Variants in FHIT observed in about 807,000 individuals in gnomAD.
FHIT encodes the protein fragile histidine triad diadenosine triphosphatase.
In FHIT, 19 loss-of-function variants were observed where a neutral mutation model predicts 17.9. The ratio of observed to expected loss-of-function variants is 1.06; its 90% CI spans 0.74 to 1.56. The LOEUF is 1.56. FHIT is among the 40% of genes most tolerant of loss of function. The pLI, the probability that FHIT is intolerant of heterozygous loss-of-function variation, is 0.00. For missense variants in FHIT, 248 were observed against 189.2 expected (o/e 1.31, Z -1.82); for synonymous variants, 81 against 69.7 (o/e 1.16, Z -0.81).
intron 2 of FHIT, among the ~76,000 whole-genome samples, chr3:61,092,308 T>A (rs561841039): frequency 8.5e-5 from 13 of 152,242 alleles, no homozygotes; most frequent in African/African-American, 2.6e-4. Flanking sequence ...TACCAAGAAC[T>A]ATTTTTCTTA....
At chr3:61,076,206 A>G (rs566610322) in intron 2 of FHIT, among the ~76,000 whole-genome samples, 1 of 152,300 alleles carries the variant, frequency 6.6e-6, no homozygotes, top group Admixed American at 6.5e-5. Flanking sequence ...GCATGCCAAA[A>G]ACAAGCGATG....
intron 5 of FHIT, among the ~76,000 whole-genome samples, chr3:60,155,408 A>G (rs1700639539): frequency 6.6e-6 from 1 of 151,940 alleles, no homozygotes; most frequent in Admixed American, 6.6e-5. Flanking sequence ...CTCCCCAACT[A>G]CCCCACGCAG....
At chr3:60,335,389 A>C (rs1710184658) in intron 5 of FHIT, among the ~76,000 whole-genome samples, 1 of 152,232 alleles carries the variant, frequency 6.6e-6, no homozygotes, top group African/African-American at 2.4e-5. Context: ...CCAAGGTTTT[A>C]GACTAAATTC....
intron 8 of FHIT, among the ~76,000 whole-genome samples, chr3:59,848,186 A>G (rs1429075029): frequency 6.6e-6 from 1 of 152,198 alleles, no homozygotes; most frequent in African/African-American, 2.4e-5. Context: ...GGGCTGAAAG[A>G]TGGGGAATGG....
In FHIT at chr3:60,844,634, A is replaced by T. The variant is rs559400930; in HGVS notation, c.-110-22623T>A. Among the ~76,000 whole-genome samples the T allele has an allele frequency of 2.0e-5, 3 of 152,244 alleles. No homozygotes were observed. In the South Asian group the frequency reaches 6.2e-4, roughly 32 times the overall value. ...CACAAGTGAAAGTGCAAAGGTAGCT[A>T]ATGGTTTTCTTCTCATAAAAATCAC... On this transcript the variant is annotated intron_variant, in intron 3 of 9. Coordinates refer to ENST00000492590, the MANE Select transcript of FHIT (RefSeq NM_002012.4).
chr3:59,944,292 T>A (rs1161308528), intron 7 of FHIT, among the ~76,000 whole-genome samples: 1 of 152,210 alleles, frequency 6.6e-6, no homozygotes, highest in African/African-American at 2.4e-5. Context: ...TTTTATCTCA[T>A]GTGGAGATTG....
At chr3:60,657,996 T>C (rs1210928065) in intron 4 of FHIT, among the ~76,000 whole-genome samples, 8 of 152,160 alleles carry the variant, frequency 5.3e-5, no homozygotes, top group Admixed American at 2.0e-4. Context: ...TTCAGTAGTA[T>C]TAAGTACATT....
At chr3:61,025,167 G>A (rs886070059) in intron 3 of FHIT, among the ~76,000 whole-genome samples, 7 of 152,106 alleles carry the variant, frequency 4.6e-5, no homozygotes, top group African/African-American at 7.2e-5. Flanking sequence ...TTAGACATCC[G>A]AAGATCAAGA....
chr3:60,998,764 G>C (rs897392917), intron 3 of FHIT, among the ~76,000 whole-genome samples: 2 of 151,832 alleles, frequency 1.3e-5, no homozygotes, highest in African/African-American at 4.8e-5. Context: ...TCAATTTATT[G>C]GTGTCTTTAG....
At chr3:60,952,934 A>G (rs9864812) in intron 3 of FHIT, among the ~76,000 whole-genome samples, 6,352 of 152,270 alleles carry the variant, frequency 0.042, 425 homozygotes, top group African/African-American at 0.14. Flanking sequence ...GAGGTATCTC[A>G]TGTCACATAA....
chr3:59,986,649 AT>A (rs74212859), intron 7 of FHIT, among the ~76,000 whole-genome samples: 24,941 of 42,814 alleles, frequency 0.58, 10,115 homozygotes, highest in East Asian at 0.96. Context: ...TTTTTAAAAT[AT>A]TTTTATGTAT....
intron 4 of FHIT, among the ~76,000 whole-genome samples, chr3:60,586,295 G>A (rs1553661920): frequency 6.6e-6 from 1 of 152,010 alleles, no homozygotes; most frequent in Non-Finnish European, 1.5e-5. Flanking sequence ...CAGTCTATTT[G>A]ATAGTTTCCA....
chr3:60,510,020 C>T (rs2034887447), intron 5 of FHIT, among the ~76,000 whole-genome samples: 2 of 152,140 alleles, frequency 1.3e-5, no homozygotes, highest in Non-Finnish European at 2.9e-5. Context: ...CTACAAAGAG[C>T]GCCCATCCCA....
At chr3:59,777,150 T>C (rs1702364234) in intron 8 of FHIT, among the ~76,000 whole-genome samples, 1 of 152,124 alleles carries the variant, frequency 6.6e-6, no homozygotes, top group Admixed American at 6.5e-5. Flanking sequence ...ACCTTCGAAA[T>C]GTCAGGGTGG....
chr3:59,862,575 G>A (rs983945042), intron 8 of FHIT, among the ~76,000 whole-genome samples: 6 of 152,188 alleles, frequency 3.9e-5, no homozygotes, highest in African/African-American at 1.4e-4. Flanking sequence ...ATGTTTCACA[G>A]GTCCCCATTC....
intron 2 of FHIT, among the ~76,000 whole-genome samples, chr3:61,188,474 G>T (rs934224345): frequency 6.6e-5 from 10 of 152,002 alleles, no homozygotes; most frequent in Non-Finnish European, 1.0e-4. Flanking sequence ...CAGGACCAGA[G>T]GGATTCACAG....
chr3:60,303,418 T>G (rs1397537981), intron 5 of FHIT, among the ~76,000 whole-genome samples: 1 of 152,138 alleles, frequency 6.6e-6, no homozygotes, highest in African/African-American at 2.4e-5. Context: ...CTCATGGACT[T>G]TGTGGAGGAG....
At chr3:59,751,878 G>T in intron 9 of FHIT, 1 of 262,830 alleles carries the variant, frequency 3.8e-6, no homozygotes, top group Non-Finnish European at 7.2e-6. Flanking sequence ...GTTAAGTTGG[G>T]GTTGACCTTT....
chr3:61,210,812 C>A (rs1040645188), intron 1 of FHIT, among the ~76,000 whole-genome samples: 36 of 151,780 alleles, frequency 2.4e-4, no homozygotes, highest in Non-Finnish European at 4.7e-4. Context: ...CACCCACTGT[C>A]CTGCACCCAC....
Sources: allele counts gnomAD v4.1 joint callset (sites outside exome capture counted in the v4.1 genomes callset), GRCh38; gene constraint gnomAD v4.1.1; transcripts MANE v1.5; gene names NCBI Gene and HGNC (gene_info 2026-07-23, HGNC 2026-07-21).